Variants in B3GALNT2 observed in about 807,000 individuals in gnomAD.
B3GALNT2 encodes UDP-GalNAc:beta-1,3-N-acetylgalactosaminyltransferase 2.
A neutral mutation model predicts 61.1 loss-of-function variants in B3GALNT2; 53 were observed. The observed-to-expected ratio is 0.87, with a 90% CI of 0.70 to 1.09. B3GALNT2 has a LOEUF of 1.09. Ranked by LOEUF, B3GALNT2 falls within the 50% of genes least tolerant of loss-of-function variation. The pLI, the probability that B3GALNT2 is intolerant of heterozygous loss-of-function variation, is 0.00. For missense variants in B3GALNT2, 544 were observed against 623.0 expected, an observed-to-expected ratio of 0.87 and a Z score of 1.35; for synonymous variants, 223 against 237.4, an observed-to-expected ratio of 0.94 and a Z score of 0.56.
In B3GALNT2 at chr1:235,489,028, C is replaced by T. The variant is rs1308027610; in HGVS notation, c.361+140G>A. The stretch of plus-strand genomic sequence containing the variant: ...CTATGCCACTGCACGCCAGCCTAGG[C>T]GACAGAGCAAGACCCTGTCTCTAAA... On this transcript the variant is annotated intron_variant, in intron 3 of 11. Transcript: ENST00000366600. 1.6e-5 allele frequency: 18 copies of T among 1,156,660 alleles called. No individual in the cohort carries two copies. In the East Asian group the frequency reaches 2.4e-4, roughly 16 times the overall value. The allele number at this position is 1,156,660 out of a possible 1,614,324, so 71.6% of individuals were successfully genotyped here. A position where few individuals can be genotyped will look rare whatever the true frequency, so the allele number is the denominator to read the frequency against.
chr1:235,477,780 C>T (rs1425318251), intron 5 of B3GALNT2, among the ~76,000 whole-genome samples: 2 of 152,204 alleles, frequency 1.3e-5, no homozygotes, highest in African/African-American at 4.8e-5. Flanking sequence ...TGAAGAAACA[C>T]TGCTCTTAAA....
chr1:235,448,799 T>C lies in B3GALNT2; in HGVS notation c.*1407A>G. On this transcript the variant is annotated 3_prime_UTR_variant, in exon 12 of 12. Transcript: ENST00000366600. ...TAAAATTTAAAGACCACACTGCTTA[T>C]CGTGTCTGGGGTTCACCGGAAATAA... is the stretch of plus-strand genomic sequence containing the variant. 1.4e-6 allele frequency: 2 copies of C among 1,415,734 alleles called. No homozygotes were observed. Among genetic ancestry groups the C allele is most frequent in the African/African-American group, 1.4e-5 (1 of 71,110 alleles). The allele number at this position is 1,415,734 out of a possible 1,614,324, so 87.7% of individuals were successfully genotyped here.
At chr1:235,499,709 C>T (rs545981824) in intron 1 of B3GALNT2, among the ~76,000 whole-genome samples, 3 of 152,204 alleles carry the variant, frequency 2.0e-5, no homozygotes, top group Non-Finnish European at 4.4e-5. Flanking sequence ...GTATAGATAG[C>T]TATGTGGAAT....
chr1:235,441,788 TTCATC>T, the B3GALNT2 span: 1 of 1,608,446 alleles, frequency 6.2e-7, no homozygotes, highest in Non-Finnish European at 8.5e-7. Context: ...TGGTTTATCA[TTCATC>T]TCTTTTGCTT....
chr1:235,471,002 T>A, intron 5 of B3GALNT2, 42 bp from the exon 6 acceptor site: 1 of 1,603,526 alleles, frequency 6.2e-7, no homozygotes, highest in African/African-American at 1.3e-5. Context: ...TCCTTATTGC[T>A]GTCATTTAGG....
rs140056337 is a variant in B3GALNT2, at chr1:235,485,778, T to A, written c.362-1263A>T. On this transcript the variant is annotated intron_variant, in intron 3 of 11. Coordinates refer to ENST00000366600, the MANE Select transcript of B3GALNT2 (RefSeq NM_152490.5). ...TTTGCTGACTACACAACACCATCAG[T>A]TAAAAATATTTGTACACACACCTAT... Among the ~76,000 whole-genome samples the A allele has an allele frequency of 6.1e-3, 934 of 152,318 alleles. 16 individuals are homozygous for A. The highest frequency in any genetic ancestry group is 0.021 in the African/African-American group (883 of 41,576).
At chr1:235,490,460 G>C (rs1045002823) in intron 2 of B3GALNT2, among the ~76,000 whole-genome samples, 13 of 152,068 alleles carry the variant, frequency 8.5e-5, no homozygotes, top group African/African-American at 2.9e-4. Context: ...CGAACTCTTG[G>C]CGTCAAGTGA....
At chr1:235,474,977 ATATATATATATTTT>A (rs1432965269) in intron 5 of B3GALNT2, among the ~76,000 whole-genome samples, 1 of 29,956 alleles carries the variant, frequency 3.3e-5, no homozygotes, top group African/African-American at 2.2e-4. Context: ...ATATATATAT[ATATATATATATTTT>A]TTTTTTTTTT....
At chr1:235,493,634 C>T (rs1685180504) in intron 2 of B3GALNT2, among the ~76,000 whole-genome samples, 1 of 152,016 alleles carries the variant, frequency 6.6e-6, no homozygotes, top group South Asian at 2.1e-4. Flanking sequence ...AAAAATTAGC[C>T]GGGCATGGTG....
chr1:235,441,673 A>G, the B3GALNT2 span: 6 of 718,010 alleles, frequency 8.4e-6, no homozygotes, highest in East Asian at 1.6e-4. Context: ...TAAAAATCAC[A>G]CTGAATAAAG....
intron 1 of B3GALNT2, among the ~76,000 whole-genome samples, chr1:235,497,700 T>C (rs60313642): frequency 0.022 from 3,305 of 152,330 alleles, 134 homozygotes; most frequent in African/African-American, 0.075. Context: ...TTCTCAAATC[T>C]ATCCCTTTCT....
intron 9 of B3GALNT2, among the ~76,000 whole-genome samples, chr1:235,455,314 T>A (rs1683109598): frequency 6.6e-6 from 1 of 152,058 alleles, no homozygotes; most frequent in Non-Finnish European, 1.5e-5. Context: ...CTTGCAACGT[T>A]GCCCAGGCTA....
At position 235,489,149 on chromosome 1, in the gene B3GALNT2, A is replaced by C. The variant is rs190977329; in HGVS notation, c.361+19T>G. 2 of 1,613,074 alleles carry C rather than the reference A, an allele frequency of 1.2e-6. No homozygotes were observed. The highest frequency in any genetic ancestry group is 1.7e-5 in the Admixed American group (1 of 59,882). ...AACATCAAGCTTGTGTATGGCAGTC[A>C]AGGGAAAAGATGACTTACCTGGATT... is the stretch of plus-strand genomic sequence containing the variant. On this transcript the variant is annotated intron_variant, in intron 3 of 11. Coordinates refer to ENST00000366600, the MANE Select transcript of B3GALNT2 (RefSeq NM_152490.5).
the B3GALNT2 span, chr1:235,441,238 G>T: frequency 6.2e-4 from 96 of 155,628 alleles, 1 homozygote; most frequent in South Asian, 0.019. Context: ...TTGGCCTAGA[G>T]CAGGAAAAAA....
At chr1:235,461,507 GTTTTTTT>G (rs57611133) in intron 7 of B3GALNT2, among the ~76,000 whole-genome samples, 3 of 63,352 alleles carry the variant, frequency 4.7e-5, no homozygotes, top group South Asian at 6.4e-4. Context: ...ATGACCTCCT[GTTTTTTT>G]TTTTTTTTTT....
downstream of B3GALNT2, among the ~76,000 whole-genome samples, chr1:235,443,547 A>G (rs1193246184): frequency 1.3e-5 from 2 of 152,150 alleles, no homozygotes; most frequent in Non-Finnish European, 2.9e-5. Flanking sequence ...CTTGAATGGC[A>G]TAGCCTTTTG....
chr1:235,455,816 A>T (rs1683143551), intron 8 of B3GALNT2, 132 bp from the exon 9 acceptor site: 1 of 1,181,320 alleles, frequency 8.5e-7, no homozygotes, highest in Non-Finnish European at 1.2e-6. Context: ...AATGTTGAGA[A>T]CATTTGCTCT....
the B3GALNT2 span, chr1:235,441,736 C>CTTTG: frequency 2.3e-5 from 32 of 1,363,716 alleles, no homozygotes; most frequent in Admixed American, 2.1e-4. Context: ...CTTACCTATC[C>CTTTG]TTTGTTTGTT....
chr1:235,454,795 G>A (rs1468433772), intron 9 of B3GALNT2, among the ~76,000 whole-genome samples: 1 of 152,148 alleles, frequency 6.6e-6, no homozygotes, highest in Non-Finnish European at 1.5e-5. Context: ...TGTTGTTTTA[G>A]ATAAAAGATT....
Sources: gnomAD v4.1 joint callset for allele counts (sites outside exome capture counted in the v4.1 genomes callset) on GRCh38, gnomAD v4.1.1 for gene constraint, MANE v1.5 for transcripts, NCBI Gene and HGNC (gene_info 2026-07-23, HGNC 2026-07-21) for gene names.